The following SLC35D3 variants were observed in gnomAD, a reference collection of about 807,000 sequenced individuals.
SLC35D3 encodes the protein solute carrier family 35 member D3, also known as frc, fringe-like 1.
A neutral mutation model predicts 20.3 loss-of-function variants in SLC35D3; 18 were observed. The ratio of observed to expected loss-of-function variants is 0.89; its 90% CI spans 0.61 to 1.32. SLC35D3 has a LOEUF of 1.32. Ranked by LOEUF, SLC35D3 falls within the 40% of genes most tolerant of loss-of-function variation. The pLI, the probability that SLC35D3 is intolerant of heterozygous loss-of-function variation, is 0.00. For synonymous variants in SLC35D3, 313 were observed against 263.5 expected, an observed-to-expected ratio of 1.19 and a Z score of -1.82; for missense variants, 556 against 565.5, an observed-to-expected ratio of 0.98 and a Z score of 0.17.
chr6:136,922,322 G>C lies in SLC35D3; in HGVS notation c.-107G>C. 9 of 1,040,486 alleles carry C rather than the reference G, an allele frequency of 8.6e-6. No homozygotes were observed. Among genetic ancestry groups the C allele is most frequent in the Non-Finnish European group, 1.1e-5 (9 of 833,624 alleles). The allele number at this position is 1,040,486 out of a possible 1,614,324, so 64.5% of individuals were successfully genotyped here. Reference sequence around the variant, plus strand: ...GCCGAGCCGGCGCCCCCTGCCCTTCGCCGCCGCGCTGGGCGGGCGCCCCCG... The same window carrying C: ...GCCGAGCCGGCGCCCCCTGCCCTTCCCCGCCGCGCTGGGCGGGCGCCCCCG... On this transcript the variant is annotated 5_prime_UTR_variant, in exon 1 of 2. Transcript: ENST00000331858. This position sits in a 1 kb window ranked among gnomAD's most constrained non-coding sequence, Gnocchi z 6.8.
Position 136,923,832 on chromosome 6 carries a change from TTCTC to T in SLC35D3, c.440-49_440-46del. ...TCCCCGCCCACGCCAACCTGCTGTC[TTCTC>T]TCTTTTTCCTTCCCGCCCGGGCTCG... is the stretch of plus-strand genomic sequence containing the variant. On this transcript the variant is annotated intron_variant, in intron 1 of 1. Transcript: ENST00000331858. This position sits in a 1 kb window ranked among gnomAD's most constrained non-coding sequence, Gnocchi z 6.2. The T allele has an allele frequency of 2.8e-6, 4 of 1,453,814 alleles. No homozygotes were observed. The highest frequency in any genetic ancestry group is 3.6e-6 in the Non-Finnish European group (4 of 1,100,380). The allele number at this position is 1,453,814 out of a possible 1,614,324, so 90.1% of individuals were successfully genotyped here.
chr6:136,923,404 G>A lies in SLC35D3; in HGVS notation c.440-481G>A, dbSNP rs531669302. ...AGGTGCTGAGCGAGACGAGAGCCTG[G>A]GCAGGGGGAAGCTTCACTGGGGGCC... On this transcript the variant is annotated intron_variant, in intron 1 of 1. Transcript: ENST00000331858. The surrounding 1 kb of genome is among the most constrained non-coding windows in gnomAD (Gnocchi z 6.2). Among the ~76,000 whole-genome samples, 68 of 152,276 alleles carry A rather than the reference G, an allele frequency of 4.5e-4. No individual in the cohort carries two copies. In the South Asian group the frequency reaches 0.014, roughly 32 times the overall value.
chr6:136,922,554 C>G lies in SLC35D3; in HGVS notation c.126C>G (p.Thr42=), dbSNP rs748573988. Residue 42 remains threonine, a synonymous_variant, in exon 1 of 2, where the codon ACC becomes ACG. Coordinates refer to ENST00000331858, the MANE Select transcript of SLC35D3 (RefSeq NM_001008783.3). The surrounding 1 kb of genome is among the most constrained non-coding windows in gnomAD (Gnocchi z 6.8). ...GCCGCTACCAGTTCTCCTTCCTGAC[C>G]CTGGTGCAGTGCCTGACCAGCTCCA... ...LISRYQFSFL[T]LVQCLTSSTA... 3 of 1,612,638 alleles carry G rather than the reference C, an allele frequency of 1.9e-6. No homozygotes were observed. In the Admixed American group the frequency reaches 5.0e-5, roughly 27 times the overall value.
Position 136,922,402 on chromosome 6 carries a change from A to G in SLC35D3, c.-27A>G, listed in dbSNP as rs1776073570. Reference sequence around the variant, plus strand: ...CGCGCGCAGGTCGCGGAGCTCCGCCACCGCTGGGTGCGGCGAGGCCGGCGC... The same window carrying G: ...CGCGCGCAGGTCGCGGAGCTCCGCCGCCGCTGGGTGCGGCGAGGCCGGCGC... On this transcript the variant is annotated 5_prime_UTR_variant, in exon 1 of 2. Transcript: ENST00000331858. This position sits in a 1 kb window ranked among gnomAD's most constrained non-coding sequence, Gnocchi z 6.8. 5.5e-6 allele frequency: 8 copies of G among 1,452,974 alleles called. No individual in the cohort carries two copies. The East Asian group carries it at 2.3e-4, about 41-fold the overall frequency. The allele number at this position is 1,452,974 out of a possible 1,614,324, so 90.0% of individuals were successfully genotyped here.
In SLC35D3 at chr6:136,923,791, G is replaced by C. The variant is rs1007610353; in HGVS notation, c.440-94G>C. 1 of 1,223,634 alleles carries C rather than the reference G, an allele frequency of 8.2e-7. No homozygotes were observed. Among genetic ancestry groups the C allele is most frequent in the Non-Finnish European group, 1.1e-6 (1 of 905,646 alleles). The allele number at this position is 1,223,634 out of a possible 1,614,324, so 75.8% of individuals were successfully genotyped here. ...AACCCAGTCTCCTTTCCTACCCGAC[G>C]CGTTTTCCCCGTGGGTCCCCGCCCA... On this transcript the variant is annotated intron_variant, in intron 1 of 1. Transcript: ENST00000331858. This position sits in a 1 kb window ranked among gnomAD's most constrained non-coding sequence, Gnocchi z 6.2.
At position 136,922,532 on chromosome 6, in the gene SLC35D3, G is replaced by A. The variant is rs1174828593; in HGVS notation, c.104G>A (p.Arg35His). The stretch of plus-strand genomic sequence containing the variant: ...ATCTTGCTCAAGTTCCTCATCAGCC[G>A]CTACCAGTTCTCCTTCCTGACCCTG... Reference protein sequence around the residue: ...LNILLKFLISRYQFSFLTLVQ... With the variant: ...LNILLKFLISHYQFSFLTLVQ... Residue 35 changes from arginine to histidine, a missense_variant, in exon 1 of 2, where the codon CGC (arginine) becomes CAC (histidine). Arg to His is a conservative substitution (Grantham distance 29). Transcript: ENST00000331858. The surrounding 1 kb of genome is among the most constrained non-coding windows in gnomAD (Gnocchi z 6.8). The A allele has an allele frequency of 1.9e-6, 3 of 1,612,478 alleles. No homozygotes were observed. The highest frequency in any genetic ancestry group is 1.7e-5 in the Admixed American group (1 of 60,002).
chr6:136,922,830 G>C lies in SLC35D3; in HGVS notation c.402G>C (p.Ala134=). The change falls in exon 1 of 2, where the codon GCG becomes GCC. Residue 134 remains alanine (A), a synonymous_variant. Coordinates refer to ENST00000331858, the MANE Select transcript of SLC35D3 (RefSeq NM_001008783.3). This position sits in a 1 kb window ranked among gnomAD's most constrained non-coding sequence, Gnocchi z 6.8. ...KNGAPSPGVL[A]AVLITTCGAA... ...GCGCGCCCTCGCCAGGGGTGCTGGC[G>C]GCGGTGCTCATCACCACCTGCGGCG... 1.3e-6 allele frequency: 2 copies of C among 1,552,750 alleles called. No homozygotes were observed. The highest frequency in any genetic ancestry group is 1.7e-6 in the Non-Finnish European group (2 of 1,150,924).
At position 136,924,082 on chromosome 6, in the gene SLC35D3, C is replaced by T. The variant is rs778204977; in HGVS notation, c.637C>T (p.His213Tyr). 6.2e-7 allele frequency: 1 copy of T among 1,612,090 alleles called. No homozygotes were observed. The highest frequency in any genetic ancestry group is 1.1e-5 in the South Asian group (1 of 90,922). Reference sequence around the variant, plus strand: ...CTCCTTCGCCAGCACCGACTCCATCCACGCCTGGACCTTCCCGGGCTGGAA... The same window carrying T: ...CTCCTTCGCCAGCACCGACTCCATCTACGCCTGGACCTTCCCGGGCTGGAA... ...ICSFASTDSIHAWTFPGWKDP... is the reference protein window; with the variant it reads ...ICSFASTDSIYAWTFPGWKDP... Residue 213 changes from histidine to tyrosine, a missense_variant, in exon 2 of 2, where the codon CAC becomes TAC. Coordinates refer to ENST00000331858, the MANE Select transcript of SLC35D3 (RefSeq NM_001008783.3).
Position 136,922,771 on chromosome 6 carries a change from A to G in SLC35D3, c.343A>G (p.Thr115Ala). Residue 115 changes from threonine (T) to alanine (A), a missense_variant, in exon 1 of 2, where the codon ACC (threonine) becomes GCC (alanine). Thr to Ala is a moderately conservative substitution (Grantham distance 58). Coordinates refer to ENST00000331858, the MANE Select transcript of SLC35D3 (RefSeq NM_001008783.3). This position sits in a 1 kb window ranked among gnomAD's most constrained non-coding sequence, Gnocchi z 6.8. ...VVFKRCLPLVTMLIGVLVLKN... is the reference protein window; with the variant it reads ...VVFKRCLPLVAMLIGVLVLKN... ...CTTCAAGCGCTGCCTGCCCCTGGTC[A>G]CCATGCTCATCGGCGTCCTGGTGCT... is the stretch of plus-strand genomic sequence containing the variant. The G allele has an allele frequency of 6.4e-7, 1 of 1,566,232 alleles. No homozygotes were observed. The highest frequency in any genetic ancestry group is 8.7e-7 in the Non-Finnish European group (1 of 1,155,828).
Position 136,924,671 on chromosome 6 carries a change from A to G in SLC35D3, c.1226A>G (p.Glu409Gly). 1 of 1,612,868 alleles carries G rather than the reference A, an allele frequency of 6.2e-7. No individual in the cohort carries two copies. The highest frequency in any genetic ancestry group is 8.5e-7 in the Non-Finnish European group (1 of 1,179,282). ...TRYMKKDYLI[E>G]NEELPSP is the part of the protein sequence containing the mutation. ...TATATGAAGAAGGATTATTTGATAG[A>G]AAACGAGGAGTTACCCAGTCCTTGA... is the stretch of plus-strand genomic sequence containing the variant. Residue 409 changes from glutamate (E) to glycine (G), a missense_variant, in exon 2 of 2, where the codon GAA becomes GGA. Transcript: ENST00000331858.
Position 136,924,715 on chromosome 6 carries a change from T to C in SLC35D3, c.*19T>C. 6.3e-7 allele frequency: 1 copy of C among 1,580,880 alleles called. No individual in the cohort carries two copies. The highest frequency in any genetic ancestry group is 8.6e-7 in the Non-Finnish European group (1 of 1,159,728). On this transcript the variant is annotated 3_prime_UTR_variant, in exon 2 of 2. Coordinates refer to ENST00000331858, the MANE Select transcript of SLC35D3 (RefSeq NM_001008783.3). ...TCCTTGAGAAGGAGGTGCATGTACG[T>C]ACCTATGTGCATACACTTATTTTAT...
Position 136,924,465 on chromosome 6 carries a change from G to A in SLC35D3, c.1020G>A (p.Glu340=). 6.2e-7 allele frequency: 1 copy of A among 1,613,778 alleles called. No individual in the cohort carries two copies. Among genetic ancestry groups the A allele is most frequent in the Non-Finnish European group, 8.5e-7 (1 of 1,179,868 alleles). ...TCGTGATGGAGGAGCTGCCCGGGGA[G>A]GGAGGAAATGGCCGGTCAGAAGGTG... ...LPFVMEELPG[E]GGNGRSEGGE... is the part of the protein sequence containing the mutation. Residue 340 remains glutamate (E), a synonymous_variant, in exon 2 of 2, where the codon GAG becomes GAA. Transcript: ENST00000331858.
At position 136,922,486 on chromosome 6, in the gene SLC35D3, G is replaced by A. The variant is rs1582789978; in HGVS notation, c.58G>A (p.Val20Ile). The change falls in exon 1 of 2, where the codon GTC (valine) becomes ATC (isoleucine). Residue 20 changes from valine to isoleucine, a missense_variant. Transcript: ENST00000331858. The surrounding 1 kb of genome is among the most constrained non-coding windows in gnomAD (Gnocchi z 6.8). Reference protein sequence around the residue: ...LGISVAIAHGVFSGSLNILLK... With the variant: ...LGISVAIAHGIFSGSLNILLK... ...CATCTCGGTGGCCATCGCGCACGGGGTCTTCTCGGGCTCCCTCAACATCTT... is the reference window on the plus strand; with the variant it reads ...CATCTCGGTGGCCATCGCGCACGGGATCTTCTCGGGCTCCCTCAACATCTT... 1.2e-6 allele frequency: 2 copies of A among 1,606,286 alleles called. No individual in the cohort carries two copies. The highest frequency in any genetic ancestry group is 1.1e-5 in the South Asian group (1 of 90,176).
rs1776121031 is a variant in SLC35D3 at position 136,925,550 on chromosome 6, C to G, written c.*854C>G. The stretch of plus-strand genomic sequence containing the variant: ...TCAAGTTTCACTGCACATCCCAAAC[C>G]ATGTTACAAAAAGAGCAACTGCTAT... On this transcript the variant is annotated 3_prime_UTR_variant, in exon 2 of 2. Coordinates refer to ENST00000331858, the MANE Select transcript of SLC35D3 (RefSeq NM_001008783.3). The G allele has an allele frequency of 6.6e-6, 1 of 152,152 alleles. No homozygotes were observed. The highest frequency in any genetic ancestry group is 1.5e-5 in the Non-Finnish European group (1 of 68,036). The allele number at this position is 152,152 out of a possible 1,614,324, so 9.4% of individuals were successfully genotyped here.
chr6:136,924,648 T>C lies in SLC35D3; in HGVS notation c.1203T>C (p.Tyr401=). The change falls in exon 2 of 2, where the codon TAT becomes TAC. Residue 401 remains tyrosine, a synonymous_variant. Coordinates refer to ENST00000331858, the MANE Select transcript of SLC35D3 (RefSeq NM_001008783.3). ...GGAGGTTGGTTAGGGGAACCAGGTA[T>C]ATGAAGAAGGATTATTTGATAGAAA... ...EVWRLVRGTR[Y]MKKDYLIENE... 2 of 1,613,994 alleles carry C rather than the reference T, an allele frequency of 1.2e-6. No homozygotes were observed. The highest frequency in any genetic ancestry group is 2.2e-5 in the East Asian group (1 of 44,880).
chr6:136,925,643 T>C lies in SLC35D3; in HGVS notation c.*947T>C, dbSNP rs1459931219. On this transcript the variant is annotated 3_prime_UTR_variant, in exon 2 of 2. Coordinates refer to ENST00000331858, the MANE Select transcript of SLC35D3 (RefSeq NM_001008783.3). The stretch of plus-strand genomic sequence containing the variant: ...AAGTATGAGTCTAACTATTAAAGGA[T>C]ACATTGTTAGAAATTTATTTTAGAC... 2 of 152,248 alleles carry C rather than the reference T, an allele frequency of 1.3e-5. No individual in the cohort carries two copies. The highest frequency in any genetic ancestry group is 2.4e-5 in the African/African-American group (1 of 41,470). 9.4% of individuals were successfully genotyped at this position (152,248 alleles called of 1,614,324 possible).
chr6:136,924,438 G>A lies in SLC35D3; in HGVS notation c.993G>A (p.Pro331=), dbSNP rs771880485. The A allele has an allele frequency of 1.9e-6, 3 of 1,613,918 alleles. No homozygotes were observed. Among genetic ancestry groups the A allele is most frequent in the South Asian group, 1.1e-5 (1 of 91,076 alleles). The change falls in exon 2 of 2, where the codon CCG becomes CCA. Residue 331 remains proline, a synonymous_variant. Coordinates refer to ENST00000331858, the MANE Select transcript of SLC35D3 (RefSeq NM_001008783.3). Reference sequence around the variant, plus strand: ...CGCAGCTAAGTGGAGACCAGCTGCCGTTCGTGATGGAGGAGCTGCCCGGGG... The same window carrying A: ...CGCAGCTAAGTGGAGACCAGCTGCCATTCGTGATGGAGGAGCTGCCCGGGG... The part of the protein sequence containing the change: ...EEAQLSGDQL[P]FVMEELPGEG...
At position 136,923,940 on chromosome 6, in the gene SLC35D3, G is replaced by A; in HGVS notation, c.495G>A (p.Val165=). 1.3e-6 allele frequency: 2 copies of A among 1,547,870 alleles called. No individual in the cohort carries two copies. Among genetic ancestry groups the A allele is most frequent in the African/African-American group, 2.7e-5 (2 of 73,584 alleles). ...PIGYVTGVLA[V]LVHAAYLVLI... The stretch of plus-strand genomic sequence containing the variant: ...GGTACGTCACGGGAGTGCTGGCGGT[G>A]CTGGTGCACGCTGCCTACCTGGTGC... The change falls in exon 2 of 2, where the codon GTG becomes GTA. Residue 165 remains valine, a synonymous_variant. Transcript: ENST00000331858. This position sits in a 1 kb window ranked among gnomAD's most constrained non-coding sequence, Gnocchi z 6.2.
Position 136,922,617 on chromosome 6 carries a change from G to A in SLC35D3, c.189G>A (p.Gly63=). The A allele has an allele frequency of 6.2e-7, 1 of 1,610,942 alleles. No individual in the cohort carries two copies. The highest frequency in any genetic ancestry group is 8.5e-7 in the Non-Finnish European group (1 of 1,179,636). Residue 63 remains glycine (G), a synonymous_variant, in exon 1 of 2, where the codon GGG becomes GGA. Transcript: ENST00000331858. The surrounding 1 kb of genome is among the most constrained non-coding windows in gnomAD (Gnocchi z 6.8). ...ALSLELLRRL[G]LIAVPPFGLS... is the part of the protein sequence containing the mutation. Reference sequence around the variant, plus strand: ...GCCTGGAGCTGCTGCGGCGCCTCGGGCTCATCGCCGTGCCCCCCTTCGGTC... The same window carrying A: ...GCCTGGAGCTGCTGCGGCGCCTCGGACTCATCGCCGTGCCCCCCTTCGGTC...
Sources: gnomAD v4.1 joint callset for allele counts (sites outside exome capture counted in the v4.1 genomes callset) on GRCh38, gnomAD v4.1.1 for gene constraint, Gnocchi (gnomAD v3.1) non-coding constraint, MANE v1.5 for transcripts, NCBI Gene and HGNC (gene_info 2026-07-23, HGNC 2026-07-21) for gene names.